Variants in KCNT2 observed in about 807,000 individuals in gnomAD.
KCNT2 encodes potassium sodium-activated channel subfamily T member 2.
Under a neutral mutation model 153.8 loss-of-function variants are expected in KCNT2, and 67 were observed. The observed-to-expected ratio is 0.44, with a 90% CI of 0.36 to 0.53. The LOEUF is 0.53. Ranked by LOEUF, KCNT2 falls within the 20% of genes least tolerant of loss-of-function variation. The pLI is 0.00. For missense variants in KCNT2, 975 were observed against 1,354.8 expected (o/e 0.72, Z 4.40); for synonymous variants, 500 against 458.8 (o/e 1.09, Z -1.15).
At chr1:196,395,145 T>A (rs1670822055) in intron 13 of KCNT2, among the ~76,000 whole-genome samples, 1 of 151,506 alleles carries the variant, frequency 6.6e-6, no homozygotes, top group Admixed American at 6.6e-5. Flanking sequence ...TATAAATATA[T>A]TACTCGGTTT....
intron 1 of KCNT2, among the ~76,000 whole-genome samples, chr1:196,554,025 C>G (rs889263263): frequency 6.6e-6 from 1 of 150,592 alleles, no homozygotes; most frequent in Admixed American, 6.6e-5. Flanking sequence ...CTTCAAGAAA[C>G]GTTAGAAATA....
intron 13 of KCNT2, among the ~76,000 whole-genome samples, chr1:196,393,119 C>T (rs1166962661): frequency 6.6e-6 from 1 of 151,344 alleles, no homozygotes; most frequent in African/African-American, 2.4e-5. Flanking sequence ...TCAAGGGTAG[C>T]CTCTGGACTA....
intron 25 of KCNT2, among the ~76,000 whole-genome samples, chr1:196,263,438 A>G (rs906940298): frequency 8.5e-5 from 13 of 152,138 alleles, no homozygotes; most frequent in African/African-American, 3.1e-4. Context: ...TTAAACAATG[A>G]GAACACATGG....
intron 1 of KCNT2, among the ~76,000 whole-genome samples, chr1:196,548,877 T>G (rs1015376266): frequency 2.0e-5 from 3 of 151,936 alleles, no homozygotes; most frequent in African/African-American, 7.2e-5. Flanking sequence ...AAATTGGAAA[T>G]CATCATTTTC....
intron 17 of KCNT2, among the ~76,000 whole-genome samples, chr1:196,333,106 T>G (rs7539569): frequency 0.24 from 36,353 of 151,124 alleles, 5,565 homozygotes; most frequent in African/African-American, 0.44. Flanking sequence ...TTTTTTTTTT[T>G]TTTGTTTGTT....
In KCNT2 at chr1:196,342,003, C is replaced by G; in HGVS notation, c.1553+76G>C. On this transcript the variant is annotated intron_variant, in intron 15 of 27. Coordinates refer to ENST00000294725, the MANE Select transcript of KCNT2 (RefSeq NM_198503.5). ...TAAACACATGAACACAATATGCATTCTATTTTTGAAAACTATTTTCACATG... is the reference window on the plus strand; with the variant it reads ...TAAACACATGAACACAATATGCATTGTATTTTTGAAAACTATTTTCACATG... 7 of 1,464,434 alleles carry G rather than the reference C, an allele frequency of 4.8e-6. No homozygotes were observed. In the South Asian group the frequency reaches 9.4e-5, roughly 20 times the overall value. 90.7% of individuals were successfully genotyped at this position (1,464,434 alleles called of 1,614,324 possible).
At chr1:196,455,202 G>T (rs1676557814) in intron 8 of KCNT2, among the ~76,000 whole-genome samples, 1 of 151,832 alleles carries the variant, frequency 6.6e-6, no homozygotes, top group Non-Finnish European at 1.5e-5. Context: ...TTTCAGACTA[G>T]GTCACCTGGA....
At position 196,234,199 on chromosome 1, in the gene KCNT2, CTTAA is replaced by C. The variant is rs557057029; in HGVS notation, c.3296+1783_3296+1786del. On this transcript the variant is annotated intron_variant, in intron 27 of 27. Transcript: ENST00000294725. ...TGCACAACTATTATATATCAATAAA[CTTAA>C]TTAATTAGAAAGTCAACATTTATTA... 4.0e-5 allele frequency among the ~76,000 whole-genome samples: 6 copies of C among 151,180 alleles called. No homozygotes were observed. In the South Asian group the frequency reaches 6.2e-4, roughly 16 times the overall value.
chr1:196,283,421 C>A (rs972585329), intron 23 of KCNT2, among the ~76,000 whole-genome samples: 2 of 151,728 alleles, frequency 1.3e-5, no homozygotes, highest in African/African-American at 4.8e-5. Flanking sequence ...GGCAACAGAG[C>A]AAGACTCCAT....
chr1:196,499,832 G>A (rs1256551250), intron 1 of KCNT2, among the ~76,000 whole-genome samples: 1 of 151,960 alleles, frequency 6.6e-6, no homozygotes, highest in African/African-American at 2.4e-5. Context: ...GAGTAACATA[G>A]ATATCAACTT....
At chr1:196,560,707 C>G (rs566977961) in intron 1 of KCNT2, among the ~76,000 whole-genome samples, 1 of 151,734 alleles carries the variant, frequency 6.6e-6, no homozygotes. Context: ...TTTCTTCCCC[C>G]CTCTGGATAA....
intron 22 of KCNT2, among the ~76,000 whole-genome samples, chr1:196,297,642 C>A (rs1234123158): frequency 2.0e-5 from 3 of 152,118 alleles, no homozygotes; most frequent in South Asian, 4.1e-4. Flanking sequence ...CATTAGCCTT[C>A]TTTTCAAATT....
chr1:196,549,325 A>G (rs941625863), intron 1 of KCNT2, among the ~76,000 whole-genome samples: 2 of 151,928 alleles, frequency 1.3e-5, no homozygotes, highest in Non-Finnish European at 2.9e-5. Flanking sequence ...TTCATATGGG[A>G]AAAGTAACAC....
chr1:196,365,341 A>G (rs1257617838), intron 14 of KCNT2, among the ~76,000 whole-genome samples: 1 of 149,450 alleles, frequency 6.7e-6, no homozygotes, highest in African/African-American at 2.4e-5. Context: ...CTAAAAACAT[A>G]CACCTTTTAA....
At position 196,492,341 on chromosome 1, in the gene KCNT2, C is replaced by T. The variant is rs535795351; in HGVS notation, c.96G>A (p.Arg32=). ...CATTCATATAGAATTCAACTTGTAC[C>T]CTGCAAACAGAAAATAAAAACATGT... The part of the protein sequence containing the change: ...LGDQGWQNDD[R]VQVEFYMNEN... Residue 32 remains arginine (R), a splice_region_variant and synonymous_variant, in exon 2 of 28, where the codon AGG becomes AGA. Transcript: ENST00000294725. 22 of 1,376,998 alleles carry T rather than the reference C, an allele frequency of 1.6e-5. 2 individuals are homozygous for T. In the South Asian group the frequency reaches 3.1e-4, roughly 20 times the overall value. 85.3% of individuals were successfully genotyped at this position (1,376,998 alleles called of 1,614,324 possible).
At chr1:196,519,895 G>A (rs1311041688) in intron 1 of KCNT2, among the ~76,000 whole-genome samples, 1 of 152,078 alleles carries the variant, frequency 6.6e-6, no homozygotes, top group African/African-American at 2.4e-5. Context: ...CATTCCTATT[G>A]AAACTATTCC....
At chr1:196,503,989 C>T (rs1347893691) in intron 1 of KCNT2, among the ~76,000 whole-genome samples, 1 of 152,046 alleles carries the variant, frequency 6.6e-6, no homozygotes, top group Non-Finnish European at 1.5e-5. Flanking sequence ...GCGTGGAATA[C>T]ATTTAAAGTC....
At chr1:196,566,715 A>C (rs955141039) in intron 1 of KCNT2, among the ~76,000 whole-genome samples, 3 of 152,150 alleles carry the variant, frequency 2.0e-5, no homozygotes, top group Non-Finnish European at 2.9e-5. Context: ...TATTTAAAGG[A>C]CATTGCTTCA....
intron 14 of KCNT2, among the ~76,000 whole-genome samples, chr1:196,363,266 C>T (rs1206076045): frequency 6.6e-6 from 1 of 151,656 alleles, no homozygotes; most frequent in African/African-American, 2.4e-5. Context: ...CCCATTAGGA[C>T]TTCCTTCATG....
Sources: allele counts gnomAD v4.1 joint callset (sites outside exome capture counted in the v4.1 genomes callset), GRCh38; gene constraint gnomAD v4.1.1; transcripts MANE v1.5; gene names NCBI Gene and HGNC (gene_info 2026-07-23, HGNC 2026-07-21).